Variants in PKHD1 observed in about 807,000 individuals in gnomAD.
PKHD1 encodes the protein PKHD1 ciliary IPT domain containing fibrocystin/polyductin, also known as fibrocystin.
PKHD1 carries 291 observed loss-of-function variants against 412.0 expected under a neutral mutation model. The observed-to-expected ratio is 0.71, with a 90% confidence interval of 0.64 to 0.78. The LOEUF is 0.78. Among genes scored for constraint, PKHD1 ranks in the 30% least tolerant of loss-of-function variants. The pLI, the probability that PKHD1 is intolerant of heterozygous loss-of-function variation, is 0.00. For missense variants in PKHD1, 4,825 were observed against 4,950.7 expected, an observed-to-expected ratio of 0.97 and a Z score of 0.76; for synonymous variants, 1,777 against 1,821.5, an observed-to-expected ratio of 0.98 and a Z score of 0.62.
rs552628545 is a variant in PKHD1 at position 52,062,697 on chromosome 6, G to A, written c.977-37C>T. 5.0e-5 allele frequency: 80 copies of A among 1,612,716 alleles called. 3 individuals are homozygous for A. In the Middle Eastern group the frequency reaches 2.6e-3, roughly 53 times the overall value. ...GTAGATCGCATAAACATTACAGGGC[G>A]CACCTTCCCAAATTGGGGAATTACT... On this transcript the variant is annotated intron_variant, in intron 13 of 66. Coordinates refer to ENST00000371117, the MANE Select transcript of PKHD1 (RefSeq NM_138694.4).
intron 60 of PKHD1, among the ~76,000 whole-genome samples, chr6:51,670,781 G>A (rs1247398753): frequency 2.0e-5 from 3 of 151,254 alleles, no homozygotes; most frequent in Non-Finnish European, 3.0e-5. Flanking sequence ...TGTCTGTAAA[G>A]TATTTTATTT....
At chr6:51,651,180 T>C (rs946622231) in intron 61 of PKHD1, among the ~76,000 whole-genome samples, 8 of 152,226 alleles carry the variant, frequency 5.3e-5, no homozygotes, top group African/African-American at 1.9e-4. Flanking sequence ...TGAGCAAACA[T>C]CTCTTGTTAA....
At chr6:51,644,626 C>G (rs1413327899) in intron 63 of PKHD1, among the ~76,000 whole-genome samples, 2 of 152,142 alleles carry the variant, frequency 1.3e-5, no homozygotes, top group Admixed American at 1.3e-4. Flanking sequence ...TTGGACAACA[C>G]AAAACCCACA....
chr6:52,079,779 T>C (rs1811789375), intron 5 of PKHD1, 121 bp downstream of exon 5: 1 of 768,384 alleles, frequency 1.3e-6, no homozygotes, highest in Non-Finnish European at 2.4e-6. Context: ...GTCATTACCA[T>C]CCACCATTTT....
At position 51,950,210 on chromosome 6, in the gene PKHD1, G is replaced by GAAAAAA. The variant is rs574963733; in HGVS notation, c.5908+9654_5908+9659dup. 8.4e-4 allele frequency among the ~76,000 whole-genome samples: 95 copies of GAAAAAA among 113,094 alleles called. 1 individual carries two copies. The highest frequency in any genetic ancestry group is 6.7e-3 in the East Asian group (20 of 2,974). The allele number at this position is 113,094 out of a possible 152,430, so 74.2% of individuals were successfully genotyped here. ...ACTGCAGTCAAATGGGCAATATAGAGAAAAAAAAAAATATATATATATATA... is the reference window on the plus strand; with the variant it reads ...ACTGCAGTCAAATGGGCAATATAGAGAAAAAAAAAAAAAAAAATATATATATATATA... On this transcript the variant is annotated intron_variant, in intron 36 of 66. Coordinates refer to ENST00000371117, the MANE Select transcript of PKHD1 (RefSeq NM_138694.4).
In PKHD1 at chr6:51,871,585, G is replaced by C. The variant is rs527301093; in HGVS notation, c.7351-946C>G. The stretch of plus-strand genomic sequence containing the variant: ...GGTGGATGCAACTGTTCTGTGTCTT[G>C]ATTGTCGTGGTGGTTGTTACACAAA... On this transcript the variant is annotated intron_variant, in intron 46 of 66. Coordinates refer to ENST00000371117, the MANE Select transcript of PKHD1 (RefSeq NM_138694.4). Among the ~76,000 whole-genome samples, 82 of 118,922 alleles carry C rather than the reference G, an allele frequency of 6.9e-4. 19 individuals are homozygous for C. The highest frequency in any genetic ancestry group is 2.2e-3 in the African/African-American group (80 of 36,684). The allele number at this position is 118,922 out of a possible 152,430, so 78.0% of individuals were successfully genotyped here.
At chr6:51,710,234 T>C (rs1780502361) in intron 60 of PKHD1, among the ~76,000 whole-genome samples, 1 of 152,048 alleles carries the variant, frequency 6.6e-6, no homozygotes, top group Admixed American at 6.6e-5. Context: ...TATTTTCAGA[T>C]ATAGAATTGA....
intron 49 of PKHD1, 102 bp from the exon 50 acceptor site, chr6:51,848,072 A>C: frequency 1.3e-6 from 1 of 778,750 alleles, no homozygotes; most frequent in Non-Finnish European, 2.3e-6. Context: ...CAGAGAACGC[A>C]GATGGAGTAG....
chr6:51,974,505 C>T (rs1237107968), intron 35 of PKHD1, among the ~76,000 whole-genome samples: 1 of 152,058 alleles, frequency 6.6e-6, no homozygotes, highest in African/African-American at 2.4e-5. Flanking sequence ...AAGAAGACAC[C>T]CAAAGTATGT....
At chr6:51,822,827 G>A (rs1315999203) in intron 52 of PKHD1, among the ~76,000 whole-genome samples, 1 of 152,016 alleles carries the variant, frequency 6.6e-6, no homozygotes, top group Non-Finnish European at 1.5e-5. Flanking sequence ...CATCTTCTCA[G>A]CTCATTTTTC....
intron 61 of PKHD1, among the ~76,000 whole-genome samples, chr6:51,657,120 TA>T (rs34088582): frequency 0.85 from 124,171 of 145,430 alleles, 53,270 homozygotes; most frequent in East Asian, 0.98. Flanking sequence ...ATAATAATAA[TA>T]AAAAAAAAAA....
intron 60 of PKHD1, among the ~76,000 whole-genome samples, chr6:51,663,576 C>A (rs1773216145): frequency 1.3e-5 from 2 of 152,222 alleles, no homozygotes; most frequent in South Asian, 4.1e-4. Flanking sequence ...CAACATTCTA[C>A]CTCAAGCACA....
At chr6:51,669,101 G>C (rs1308431566) in intron 60 of PKHD1, among the ~76,000 whole-genome samples, 1 of 152,256 alleles carries the variant, frequency 6.6e-6, no homozygotes, top group East Asian at 1.9e-4. Flanking sequence ...CTATTGATTG[G>C]AATAGTTTCA....
chr6:51,954,483 A>C (rs946646282), intron 36 of PKHD1, among the ~76,000 whole-genome samples: 1 of 152,080 alleles, frequency 6.6e-6, no homozygotes, highest in Admixed American at 6.6e-5. Context: ...AAAAAATAGA[A>C]AATCACATTA....
intron 60 of PKHD1, among the ~76,000 whole-genome samples, chr6:51,682,886 T>C (rs1776885086): frequency 6.6e-6 from 1 of 151,998 alleles, no homozygotes; most frequent in Non-Finnish European, 1.5e-5. Flanking sequence ...TTATTATGCA[T>C]ACAAAGCAAT....
intron 39 of PKHD1, 45 bp from the exon 40 acceptor site, chr6:51,909,519 A>G: frequency 6.9e-7 from 1 of 1,454,992 alleles, no homozygotes; most frequent in Non-Finnish European, 9.7e-7. Flanking sequence ...CATGTAGAAC[A>G]TGCTTCCAGA....
At chr6:51,647,672 C>T (rs1770285821) in intron 63 of PKHD1, among the ~76,000 whole-genome samples, 1 of 152,078 alleles carries the variant, frequency 6.6e-6, no homozygotes, top group Admixed American at 6.6e-5. Context: ...TGATACTATA[C>T]CAAACAAGGG....
intron 54 of PKHD1, among the ~76,000 whole-genome samples, chr6:51,775,186 T>A (rs75401941): frequency 0.1 from 15,830 of 151,702 alleles, 903 homozygotes; most frequent in East Asian, 0.14. Flanking sequence ...AAATGAACAT[T>A]CTTGAAGAAA....
At chr6:51,816,221 A>C (rs1475074649) in intron 52 of PKHD1, among the ~76,000 whole-genome samples, 1 of 152,194 alleles carries the variant, frequency 6.6e-6, no homozygotes, top group Non-Finnish European at 1.5e-5. Flanking sequence ...GAATAGAATA[A>C]AAATAAGGAA....
Sources: gnomAD v4.1 joint callset for allele counts (sites outside exome capture counted in the v4.1 genomes callset) on GRCh38, gnomAD v4.1.1 for gene constraint, MANE v1.5 for transcripts, NCBI Gene and HGNC (gene_info 2026-07-23, HGNC 2026-07-21) for gene names.